ZNF253: variants seen among roughly 807,000 people sequenced by gnomAD.
The protein encoded by ZNF253 is zinc finger protein 253, also known as DNA-binding protein.
A neutral mutation model predicts 11.9 loss-of-function variants in ZNF253; 8 were observed. The observed-to-expected ratio is 0.67, with a 90% CI of 0.40 to 1.22. The LOEUF is 1.22. ZNF253 is among the 50% of genes most tolerant of loss of function. The probability of loss-of-function intolerance (pLI) is 0.01; values close to 1 mark genes in which losing one functional copy is unlikely to be tolerated. For synonymous variants in ZNF253, 194 were observed against 194.9 expected (o/e 1.00, Z 0.04); for missense variants, 485 against 586.9 (o/e 0.83, Z 1.79).
intron 3 of ZNF253, among the ~76,000 whole-genome samples, chr19:19,883,008 C>T (rs1380835112): frequency 6.6e-6 from 1 of 151,678 alleles, no homozygotes; most frequent in African/African-American, 2.4e-5. Context: ...ATGTTTATTA[C>T]AATCAGATTA....
intron 1 of ZNF253, among the ~76,000 whole-genome samples, chr19:19,869,993 G>T (rs1568493723): frequency 6.6e-6 from 1 of 151,944 alleles, no homozygotes. Flanking sequence ...TGAACATAAA[G>T]CCACAATACT....
chr19:19,870,069 G>A (rs2063127840), intron 1 of ZNF253, among the ~76,000 whole-genome samples: 1 of 152,044 alleles, frequency 6.6e-6, no homozygotes, highest in Non-Finnish European at 1.5e-5. Context: ...AATATAAAGT[G>A]TTTTAACTGA....
intron 3 of ZNF253, among the ~76,000 whole-genome samples, chr19:19,882,110 A>G (rs2063180373): frequency 6.6e-6 from 1 of 151,986 alleles, no homozygotes; most frequent in African/African-American, 2.4e-5. Flanking sequence ...AATCGCTTGA[A>G]TCAGGGAGGC....
intron 3 of ZNF253, among the ~76,000 whole-genome samples, chr19:19,883,130 T>C (rs2063184807): frequency 6.6e-6 from 1 of 152,186 alleles, no homozygotes; most frequent in South Asian, 2.1e-4. Context: ...GAGCAGTCAT[T>C]GAGATAGTTT....
chr19:19,886,399 T>C (rs1283423764), intron 3 of ZNF253, among the ~76,000 whole-genome samples: 1 of 152,228 alleles, frequency 6.6e-6, no homozygotes, highest in East Asian at 1.9e-4. Flanking sequence ...TGCATGTGTC[T>C]GTGAAGCCTA....
At chr19:19,881,749 G>T (rs566622248) in intron 3 of ZNF253, among the ~76,000 whole-genome samples, 92 of 152,004 alleles carry the variant, frequency 6.1e-4, no homozygotes, top group African/African-American at 2.0e-3. Context: ...TTTAGACAGG[G>T]TTTAATATAC....
At chr19:19,869,660 CTTT>C (rs35926309) in intron 1 of ZNF253, among the ~76,000 whole-genome samples, 16 of 103,276 alleles carry the variant, frequency 1.5e-4, no homozygotes, top group East Asian at 3.3e-4. Flanking sequence ...CATGCCTGGC[CTTT>C]TTTTTTTTTT....
At chr19:19,886,126 A>G (rs1052535952) in intron 3 of ZNF253, among the ~76,000 whole-genome samples, 1 of 152,122 alleles carries the variant, frequency 6.6e-6, no homozygotes, top group African/African-American at 2.4e-5. Flanking sequence ...CTGAGTAGCT[A>G]GGATTACAGA....
chr19:19,890,541 T>TGTGTGTGTGTGA (rs1207129318), intron 3 of ZNF253, among the ~76,000 whole-genome samples: 1 of 148,344 alleles, frequency 6.7e-6, no homozygotes, highest in African/African-American at 2.5e-5. Flanking sequence ...TGTGTGTGTG[T>TGTGTGTGTGTGA]GACAGAGTCT....
chr19:19,892,046 C>T lies in ZNF253; in HGVS notation c.799C>T (p.Arg267Ter), dbSNP rs200428819. ...KCEECGKAFNRSTDLTTHKIV... is the reference protein window; with the variant it reads ...KCEECGKAFN ...TGAAGAATGTGGCAAAGCCTTCAACCGATCCACAGACCTTACTACACATAA... is the reference window on the plus strand; with the variant it reads ...TGAAGAATGTGGCAAAGCCTTCAACTGATCCACAGACCTTACTACACATAA... Residue 267 changes from arginine to a stop codon, truncating the protein, a stop_gained, in exon 4 of 4, where the codon CGA becomes TGA. Coordinates refer to ENST00000589717, the MANE Select transcript of ZNF253 (RefSeq NM_021047.3). LOFTEE classifies it low-confidence loss of function (END_TRUNC). 378 of 1,613,330 alleles carry T rather than the reference C, an allele frequency of 2.3e-4. No individual in the cohort carries two copies. Among genetic ancestry groups the T allele is most frequent in the Admixed American group, 3.0e-4 (18 of 59,966 alleles).
chr19:19,882,093 A>G (rs1224447957), intron 3 of ZNF253, among the ~76,000 whole-genome samples: 2 of 151,862 alleles, frequency 1.3e-5, no homozygotes, highest in Non-Finnish European at 2.9e-5. Flanking sequence ...GGAGGCTGAG[A>G]CAGGAGAATC....
Position 19,891,591 on chromosome 19 carries a change from G to A in ZNF253, c.344G>A (p.Gly115Asp). 1 of 1,614,064 alleles carries A rather than the reference G, an allele frequency of 6.2e-7. No individual in the cohort carries two copies. The highest frequency in any genetic ancestry group is 8.5e-7 in the Non-Finnish European group (1 of 1,179,990). Residue 115 changes from glycine (G) to aspartate (D), a missense_variant, in exon 4 of 4, where the codon GGC (glycine) becomes GAC (aspartate). By Grantham distance (94) the Gly-to-Asp change is moderately conservative. Around this residue, in one of 3 missense-constraint regions of ZNF253, gnomAD observed 218 missense variants for 213.1 expected, o/e 1.02. Coordinates refer to ENST00000589717, the MANE Select transcript of ZNF253 (RefSeq NM_021047.3). ...CRHDNLQLKKGCKSVGEHKVH... is the reference protein window; with the variant it reads ...CRHDNLQLKKDCKSVGEHKVH... ...CATGACAATTTACAGTTAAAAAAAGGCTGTAAAAGCGTGGGTGAGCATAAG... is the reference window on the plus strand; with the variant it reads ...CATGACAATTTACAGTTAAAAAAAGACTGTAAAAGCGTGGGTGAGCATAAG...
intron 3 of ZNF253, among the ~76,000 whole-genome samples, chr19:19,887,039 T>G (rs1343753829): frequency 6.6e-6 from 1 of 152,078 alleles, no homozygotes; most frequent in African/African-American, 2.4e-5. Flanking sequence ...AGATTCCTGC[T>G]AAATCAACTC....
chr19:19,885,017 A>C (rs1030788116), intron 3 of ZNF253, among the ~76,000 whole-genome samples: 1 of 152,174 alleles, frequency 6.6e-6, no homozygotes, highest in African/African-American at 2.4e-5. Flanking sequence ...TATATTTTGA[A>C]TATTAACTCT....
intron 3 of ZNF253, among the ~76,000 whole-genome samples, chr19:19,888,805 A>G (rs917576191): frequency 6.6e-6 from 1 of 152,100 alleles, no homozygotes; most frequent in African/African-American, 2.4e-5. Context: ...AAAGTTATGT[A>G]TTTTCATATG....
intron 3 of ZNF253, among the ~76,000 whole-genome samples, chr19:19,882,653 C>G (rs1358466897): frequency 6.6e-6 from 1 of 152,106 alleles, no homozygotes; most frequent in East Asian, 1.9e-4. Context: ...TCTGTTTGTA[C>G]ACTTTAAGTC....
intron 1 of ZNF253, among the ~76,000 whole-genome samples, chr19:19,877,365 G>GTTCTTC (rs755113889): frequency 1.3e-5 from 2 of 149,934 alleles, no homozygotes; most frequent in South Asian, 4.2e-4. Flanking sequence ...GTGATGCTGT[G>GTTCTTC]TTCTTCTTCT....
chr19:19,885,317 T>TA (rs1568499139), intron 3 of ZNF253, among the ~76,000 whole-genome samples: 12 of 71,538 alleles, frequency 1.7e-4, no homozygotes, highest in Non-Finnish European at 2.4e-4. Context: ...TTTCTTTCTT[T>TA]CTTTCTTTCT....
chr19:19,874,552 AT>A (rs1447964822), intron 1 of ZNF253, among the ~76,000 whole-genome samples: 1 of 150,364 alleles, frequency 6.7e-6, no homozygotes, highest in African/African-American at 2.4e-5. Flanking sequence ...ACCTTTGGGG[AT>A]TTGTTTAAAT....
Sources: allele counts gnomAD v4.1 joint callset (sites outside exome capture counted in the v4.1 genomes callset), GRCh38; gene constraint gnomAD v4.1.1; regional missense constraint gnomAD v4.1.1; transcripts MANE v1.5; gene names NCBI Gene and HGNC (gene_info 2026-07-23, HGNC 2026-07-21).